The following PCDHA2 variants were observed in gnomAD, a reference collection of about 807,000 sequenced individuals.
PCDHA2 encodes protocadherin alpha-2.
In PCDHA2, 58 loss-of-function variants were observed where a neutral mutation model predicts 66.0. The observed-to-expected ratio is 0.88, with a 90% CI of 0.71 to 1.09. The LOEUF (loss-of-function observed/expected upper bound fraction) is 1.09, where lower values mean the gene tolerates loss of function less well. Ranked by LOEUF, PCDHA2 falls within the 50% of genes least tolerant of loss-of-function variation. PCDHA2 has a pLI of 0.00. For synonymous variants in PCDHA2, 634 were observed against 554.0 expected (o/e 1.14, Z -2.03); for missense variants, 1,267 against 1,242.3 (o/e 1.02, Z -0.30).
At chr5:140,922,135 C>T (rs550862927) in intron 1 of PCDHA2, among the ~76,000 whole-genome samples, 3 of 152,092 alleles carry the variant, frequency 2.0e-5, no homozygotes, top group African/African-American at 7.2e-5. Context: ...TGTCTCTTAT[C>T]CTCCATGAAA....
chr5:140,863,670 C>A (rs2048115377), intron 1 of PCDHA2: 1 of 292,680 alleles, frequency 3.4e-6, no homozygotes, highest in Admixed American at 4.6e-5. Context: ...ATTTATTTTG[C>A]TTTTGCTTTT....
intron 1 of PCDHA2, chr5:140,834,575 C>G (rs2150221484): frequency 6.2e-7 from 1 of 1,614,096 alleles, no homozygotes; most frequent in South Asian, 1.1e-5. Context: ...CGCGCCTGTT[C>G]CGGGCGGTGT....
chr5:140,901,839 A>T (rs578262204), intron 1 of PCDHA2, among the ~76,000 whole-genome samples: 1 of 152,108 alleles, frequency 6.6e-6, no homozygotes, highest in Non-Finnish European at 1.5e-5. Flanking sequence ...TAAACATGCA[A>T]TATCTTTCCA....
chr5:140,801,703 C>T, intron 1 of PCDHA2: 2 of 1,614,138 alleles, frequency 1.2e-6, no homozygotes, highest in Non-Finnish European at 1.7e-6. Context: ...TCGTTGTTGA[C>T]TTACAGTCTT....
At chr5:140,835,667 G>A (rs2150241297) in intron 1 of PCDHA2, 2 of 1,613,924 alleles carry the variant, frequency 1.2e-6, no homozygotes, top group Non-Finnish European at 8.5e-7. Context: ...TTACCGCGCG[G>A]GACGGGGGCT....
At chr5:140,835,577 G>T (rs1554135077) in intron 1 of PCDHA2, 1 of 1,613,890 alleles carries the variant, frequency 6.2e-7, no homozygotes, top group Non-Finnish European at 8.5e-7. Context: ...TCAAGTTGGT[G>T]TCCACCTTCA....
chr5:140,945,701 CA>C (rs1563215722), intron 1 of PCDHA2, among the ~76,000 whole-genome samples: 1 of 151,988 alleles, frequency 6.6e-6, no homozygotes, highest in Non-Finnish European at 1.5e-5. Context: ...CACTGATTTG[CA>C]ACAAAAGTAT....
intron 1 of PCDHA2, chr5:140,884,134 C>A: frequency 6.2e-6 from 10 of 1,613,442 alleles, no homozygotes; most frequent in Non-Finnish European, 7.6e-6. Context: ...GCATCCCGTT[C>A]CGCGTGGGGC....
chr5:140,929,307 C>T (rs149565434), intron 1 of PCDHA2: 10 of 1,570,046 alleles, frequency 6.4e-6, no homozygotes, highest in Admixed American at 1.8e-5. Context: ...AAGGGGATCA[C>T]GCTAATGTCA....
intron 3 of PCDHA2, among the ~76,000 whole-genome samples, chr5:140,989,715 G>A (rs2097356088): frequency 6.6e-6 from 1 of 152,166 alleles, no homozygotes; most frequent in Non-Finnish European, 1.5e-5. Flanking sequence ...GAGGCAGTCA[G>A]CTTTGCAGTT....
intron 1 of PCDHA2, chr5:140,842,933 C>T (rs1356851691): frequency 6.3e-7 from 1 of 1,594,540 alleles, no homozygotes. Flanking sequence ...GGTGAGCGCG[C>T]GCGACGCGGG....
intron 1 of PCDHA2, chr5:140,869,588 T>C (rs1404476349): frequency 3.7e-6 from 6 of 1,614,114 alleles, no homozygotes; most frequent in East Asian, 2.2e-5. Context: ...GATGCTGACA[T>C]TGAAGAGAAT....
At chr5:140,905,360 T>C (rs2071771480) in intron 1 of PCDHA2, among the ~76,000 whole-genome samples, 2 of 152,238 alleles carry the variant, frequency 1.3e-5, no homozygotes, top group Non-Finnish European at 2.9e-5. Context: ...TTTGACTATA[T>C]TTCTGGTTCT....
intron 1 of PCDHA2, among the ~76,000 whole-genome samples, chr5:140,932,553 C>T (rs1288415511): frequency 6.6e-6 from 1 of 151,798 alleles, no homozygotes; most frequent in African/African-American, 2.4e-5. Context: ...AACATACATT[C>T]CACAAGTAGA....
At chr5:140,900,807 A>T (rs868976984) in intron 1 of PCDHA2, among the ~76,000 whole-genome samples, 1 of 152,176 alleles carries the variant, frequency 6.6e-6, no homozygotes, top group African/African-American at 2.4e-5. Context: ...TAGTGCTTGT[A>T]CTAATTTACA....
intron 1 of PCDHA2, chr5:140,802,443 G>A (rs1762915855): frequency 6.2e-7 from 1 of 1,614,106 alleles, no homozygotes; most frequent in Admixed American, 1.7e-5. Flanking sequence ...TCTGGACCGC[G>A]AGAGCGTGTC....
At chr5:140,841,948 C>T (rs1777604440) in intron 1 of PCDHA2, 1 of 1,613,804 alleles carries the variant, frequency 6.2e-7, no homozygotes, top group Non-Finnish European at 8.5e-7. Flanking sequence ...CTGCGCACCA[C>T]TTATTCCTGA....
intron 1 of PCDHA2, chr5:140,927,485 C>T: frequency 6.2e-7 from 1 of 1,614,098 alleles, no homozygotes; most frequent in Non-Finnish European, 8.5e-7. Context: ...CAGCGCGCCA[C>T]CCACCTGCTG....
chr5:140,967,837 C>T (rs2096189054), intron 1 of PCDHA2: 4 of 1,613,994 alleles, frequency 2.5e-6, no homozygotes, highest in African/African-American at 2.7e-5. Context: ...ACATCGTGGA[C>T]GTGAATGACA....
Sources: allele counts gnomAD v4.1 joint callset (sites outside exome capture counted in the v4.1 genomes callset), GRCh38; gene constraint gnomAD v4.1.1; transcripts MANE v1.5; gene names NCBI Gene and HGNC (gene_info 2026-07-23, HGNC 2026-07-21).